DYM: variants seen among roughly 807,000 people sequenced by gnomAD.
DYM encodes dymeclin, also known as dyggve-Melchior-Clausen syndrome protein.
A neutral mutation model predicts 93.1 loss-of-function variants in DYM; 78 were observed. The observed-to-expected ratio is 0.84, with a 90% confidence interval of 0.70 to 1.01. DYM has a LOEUF of 1.01. DYM is among the 50% of genes least tolerant of loss of function. The pLI is 0.00. For synonymous variants in DYM, 321 were observed against 319.7 expected, an observed-to-expected ratio of 1.00 and a Z score of -0.04; for missense variants, 789 against 845.0, an observed-to-expected ratio of 0.93 and a Z score of 0.82.
chr18:49,426,712 G>T (rs547858627), intron 2 of DYM, among the ~76,000 whole-genome samples: 182 of 148,424 alleles, frequency 1.2e-3, no homozygotes, highest in African/African-American at 4.1e-3. Flanking sequence ...GCTGAACTGG[G>T]TATCAAAAAG....
intron 2 of DYM, chr18:49,413,268 G>C (rs1311120665): frequency 1.3e-5 from 2 of 152,132 alleles, no homozygotes; most frequent in African/African-American, 4.8e-5. Context: ...TGTGGCTTTA[G>C]ACAACCTTCC....
chr18:49,320,935 C>G (rs757990255), intron 8 of DYM, among the ~76,000 whole-genome samples: 1 of 152,176 alleles, frequency 6.6e-6, no homozygotes, highest in African/African-American at 2.4e-5. Flanking sequence ...CAAATTCTGT[C>G]AGTGAGTAAC....
At chr18:49,238,934 G>A (rs573300705) in intron 13 of DYM, among the ~76,000 whole-genome samples, 19 of 152,224 alleles carry the variant, frequency 1.2e-4, no homozygotes, top group African/African-American at 3.9e-4. Context: ...CTGCCCCTCA[G>A]CCTCTCTTGT....
intron 5 of DYM, among the ~76,000 whole-genome samples, chr18:49,369,415 A>G (rs1282063775): frequency 6.6e-6 from 1 of 152,124 alleles, no homozygotes; most frequent in African/African-American, 2.4e-5. Context: ...GCTTCTTCCA[A>G]CCAAGCCTGA....
At chr18:49,156,824 G>A (rs2086512528) in intron 15 of DYM, among the ~76,000 whole-genome samples, 1 of 151,564 alleles carries the variant, frequency 6.6e-6, no homozygotes, top group Non-Finnish European at 1.5e-5. Context: ...CCTCCTAGAT[G>A]CAAGGGAGCT....
At chr18:49,398,054 G>A (rs74898335) in intron 2 of DYM, among the ~76,000 whole-genome samples, 2 of 152,228 alleles carry the variant, frequency 1.3e-5, no homozygotes, top group East Asian at 3.9e-4. Flanking sequence ...ACTAACTATA[G>A]TGAATATCCC....
chr18:49,386,911 G>C (rs1029771656), intron 3 of DYM, among the ~76,000 whole-genome samples: 8 of 151,176 alleles, frequency 5.3e-5, no homozygotes, highest in African/African-American at 1.9e-4. Flanking sequence ...ATCACGTTTT[G>C]GTAGTTCTTG....
intron 14 of DYM, chr18:49,208,717 C>T (rs889902313): frequency 6.6e-6 from 1 of 152,102 alleles, no homozygotes; most frequent in Non-Finnish European, 1.5e-5. Context: ...ATGGAGTTTT[C>T]TCCTTCTTCA....
intron 17 of DYM, among the ~76,000 whole-genome samples, chr18:49,052,082 C>T (rs1488245115): frequency 2.0e-5 from 3 of 152,234 alleles, no homozygotes; most frequent in Admixed American, 6.5e-5. Context: ...GTTATTTATG[C>T]ATGTTCTCCA....
intron 1 of DYM, among the ~76,000 whole-genome samples, chr18:49,443,419 A>G (rs76766182): frequency 0.091 from 13,895 of 152,194 alleles, 855 homozygotes; most frequent in East Asian, 0.31. Context: ...TTCAAGTGTC[A>G]TGAGTATTGC....
intron 17 of DYM, among the ~76,000 whole-genome samples, chr18:49,045,124 T>C (rs2071306352): frequency 6.6e-6 from 1 of 152,168 alleles, no homozygotes; most frequent in South Asian, 2.1e-4. Flanking sequence ...TGGCTGCAGC[T>C]TGGTGACCCT....
intron 8 of DYM, among the ~76,000 whole-genome samples, chr18:49,301,522 GAAAAA>G (rs1184317921): frequency 2.2e-5 from 1 of 46,398 alleles, no homozygotes; most frequent in African/African-American, 6.5e-5. Flanking sequence ...CTCCGTCTCA[GAAAAA>G]AAAAAAAAAA....
chr18:49,170,050 TGAAAG>T (rs1237569321), intron 14 of DYM, among the ~76,000 whole-genome samples: 2 of 152,086 alleles, frequency 1.3e-5, no homozygotes, highest in African/African-American at 2.4e-5. Context: ...TACAACAAGT[TGAAAG>T]GGAGGGAGAG....
intron 2 of DYM, among the ~76,000 whole-genome samples, chr18:49,417,261 G>T (rs1055982806): frequency 6.6e-6 from 1 of 152,048 alleles, no homozygotes; most frequent in Non-Finnish European, 1.5e-5. Flanking sequence ...GAATCCTCCT[G>T]ACTCAGCCTC....
chr18:49,245,368 A>G (rs775445286), intron 13 of DYM, among the ~76,000 whole-genome samples: 8 of 152,166 alleles, frequency 5.3e-5, no homozygotes, highest in Admixed American at 2.0e-4. Context: ...ATAGAGCCAT[A>G]TTTTTCTTCT....
intron 14 of DYM, chr18:49,206,085 G>A (rs1440797741): frequency 1.4e-5 from 3 of 222,022 alleles, no homozygotes; most frequent in Middle Eastern, 1.4e-3. Flanking sequence ...TGCAACCTCC[G>A]TCTCCCAGGC....
At chr18:49,050,253 G>GT (rs977925099) in intron 17 of DYM, among the ~76,000 whole-genome samples, 49 of 150,122 alleles carry the variant, frequency 3.3e-4, no homozygotes, top group East Asian at 2.9e-3. Flanking sequence ...TGCCCGGCTA[G>GT]TTTTTTTTTG....
At chr18:49,181,776 T>C (rs1483325485) in intron 14 of DYM, among the ~76,000 whole-genome samples, 2 of 152,156 alleles carry the variant, frequency 1.3e-5, no homozygotes, top group Non-Finnish European at 2.9e-5. Flanking sequence ...GAGCTTTTGG[T>C]TTTAATTTTA....
At chr18:49,066,007 C>G (rs2076356872) in intron 17 of DYM, among the ~76,000 whole-genome samples, 1 of 152,090 alleles carries the variant, frequency 6.6e-6, no homozygotes, top group Non-Finnish European at 1.5e-5. Context: ...CCTTCATGGA[C>G]CGCTCCTCCC....
Sources: allele counts gnomAD v4.1 joint callset (sites outside exome capture counted in the v4.1 genomes callset), GRCh38; gene constraint gnomAD v4.1.1; transcripts MANE v1.5; gene names NCBI Gene and HGNC (gene_info 2026-07-23, HGNC 2026-07-21).